GMEB1: variants seen among roughly 807,000 people sequenced by gnomAD.
The protein encoded by GMEB1 is glucocorticoid modulatory element-binding protein 1.
GMEB1 carries 6 observed loss-of-function variants against 52.4 expected under a neutral mutation model. The observed-to-expected ratio is 0.11, with a 90% confidence interval of 0.06 to 0.23. GMEB1 has a LOEUF of 0.23. Ranked by LOEUF, GMEB1 falls within the 10% of genes least tolerant of loss-of-function variation. GMEB1 has a pLI of 1.00. For synonymous variants in GMEB1, 255 were observed against 244.9 expected (o/e 1.04, Z -0.38); for missense variants, 486 against 685.6 (o/e 0.71, Z 3.25).
At chr1:28,669,230 G>A (rs957144091) in intron 1 of GMEB1, among the ~76,000 whole-genome samples, 1 of 151,786 alleles carries the variant, frequency 6.6e-6, no homozygotes, top group Non-Finnish European at 1.5e-5. Flanking sequence ...GGGCCGGAGT[G>A]ACTCCGGACT....
intron 2 of GMEB1, among the ~76,000 whole-genome samples, chr1:28,684,750 G>C (rs545897880): frequency 2.0e-5 from 3 of 152,054 alleles, no homozygotes; most frequent in Admixed American, 6.6e-5. Context: ...GGGGTGAGGG[G>C]GTGATGAGAG....
At chr1:28,701,772 C>T (rs1292225631) in intron 6 of GMEB1, among the ~76,000 whole-genome samples, 4 of 151,960 alleles carry the variant, frequency 2.6e-5, no homozygotes, top group Non-Finnish European at 4.4e-5. Context: ...GTTGCCCAGG[C>T]TGGCCTCAGA....
intron 5 of GMEB1, among the ~76,000 whole-genome samples, chr1:28,693,915 T>C (rs957406529): frequency 5.9e-5 from 9 of 152,108 alleles, no homozygotes; most frequent in Admixed American, 2.6e-4. Context: ...TATTTATTAA[T>C]GTAAAAATTA....
chr1:28,704,472 TAA>T, intron 8 of GMEB1, 143 bp downstream of exon 8: 1 of 575,982 alleles, frequency 1.7e-6, no homozygotes, highest in Non-Finnish European at 2.8e-6. Context: ...TCATATAAGT[TAA>T]GTCACTTGTC....
intron 1 of GMEB1, among the ~76,000 whole-genome samples, chr1:28,671,473 G>A (rs1570371064): frequency 6.6e-6 from 1 of 152,260 alleles, no homozygotes; most frequent in Non-Finnish European, 1.5e-5. Context: ...CCAGCACTGT[G>A]GGAGGCCGAG....
intron 1 of GMEB1, among the ~76,000 whole-genome samples, chr1:28,677,077 A>C (rs1669183598): frequency 6.6e-6 from 1 of 152,150 alleles, no homozygotes; most frequent in African/African-American, 2.4e-5. Flanking sequence ...AATTGCCATC[A>C]GGCTATGTGT....
chr1:28,695,221 C>T (rs1670145101), intron 5 of GMEB1, among the ~76,000 whole-genome samples: 1 of 151,948 alleles, frequency 6.6e-6, no homozygotes, highest in Non-Finnish European at 1.5e-5. Flanking sequence ...CCCACCTCAC[C>T]TCCCAAAGTG....
intron 1 of GMEB1, among the ~76,000 whole-genome samples, chr1:28,679,946 TA>T (rs1440214256): frequency 6.6e-6 from 1 of 152,086 alleles, no homozygotes; most frequent in Non-Finnish European, 1.5e-5. Flanking sequence ...GCTGGGATTA[TA>T]GGCAAGCGCC....
chr1:28,683,389 G>A (rs1201544614), intron 1 of GMEB1, among the ~76,000 whole-genome samples, 194 bp from the exon 2 acceptor site: 2 of 151,964 alleles, frequency 1.3e-5, no homozygotes, highest in Admixed American at 1.3e-4. Context: ...CCACGTACCC[G>A]GTTAATTTTG....
Position 28,717,966 on chromosome 1 carries a change from G to A in GMEB1, c.*3193G>A, listed in dbSNP as rs1013423596. 3.3e-5 allele frequency: 5 copies of A among 152,146 alleles called. No individual in the cohort carries two copies. Among genetic ancestry groups the A allele is most frequent in the Admixed American group, 6.6e-5 (1 of 15,258 alleles). The allele number at this position is 152,146 out of a possible 1,614,324, so 9.4% of individuals were successfully genotyped here. On this transcript the variant is annotated 3_prime_UTR_variant, in exon 10 of 10. Transcript: ENST00000373816. ...TGTTTACTAGATGAATTTTCCAGCT[G>A]GTGAAATACATGAGCTTTGTTGTTT... is the stretch of plus-strand genomic sequence containing the variant.
At chr1:28,691,473 C>A in intron 3 of GMEB1, 112 bp from the exon 4 acceptor site, 3 of 606,428 alleles carry the variant, frequency 4.9e-6, no homozygotes, top group Non-Finnish European at 7.5e-6. Flanking sequence ...CTAAATGATA[C>A]CAGCAAGAGT....
At position 28,691,608 on chromosome 1, in the gene GMEB1, G is replaced by A; in HGVS notation, c.235G>A (p.Glu79Lys). ...GIDTGTIEAN[E>K]DMEIAYPITC... is the part of the protein sequence containing the mutation. ...AGATACAGGCACTATAGAAGCAAATGAGGATATGGAAATTGCTTACCCCAT... is the reference window on the plus strand; with the variant it reads ...AGATACAGGCACTATAGAAGCAAATAAGGATATGGAAATTGCTTACCCCAT... Residue 79 changes from glutamate to lysine, a missense_variant, in exon 4 of 10, where the codon GAG (glutamate) becomes AAG (lysine). By Grantham distance (56) the Glu-to-Lys change is moderately conservative. This residue lies in a region of GMEB1 where 88 missense variants were observed against 96.5 expected (regional missense o/e 0.91). Coordinates refer to ENST00000373816, the MANE Select transcript of GMEB1 (RefSeq NM_001319674.2). 6.4e-7 allele frequency: 1 copy of A among 1,563,664 alleles called. No homozygotes were observed. The highest frequency in any genetic ancestry group is 8.7e-7 in the Non-Finnish European group (1 of 1,146,050).
intron 1 of GMEB1, among the ~76,000 whole-genome samples, chr1:28,679,447 G>A (rs373399909): frequency 2.6e-5 from 4 of 151,988 alleles, no homozygotes; most frequent in African/African-American, 9.7e-5. Flanking sequence ...CAAAGTATTG[G>A]GATTACAGGT....
chr1:28,691,535 C>G, intron 3 of GMEB1, 50 bp from the exon 4 acceptor site: 1 of 1,378,120 alleles, frequency 7.3e-7, no homozygotes, highest in Non-Finnish European at 9.8e-7. Context: ...TGAATTTCAG[C>G]TTTGGGGAAG....
intron 7 of GMEB1, among the ~76,000 whole-genome samples, chr1:28,702,790 G>T (rs1274899432): frequency 6.6e-6 from 1 of 152,116 alleles, no homozygotes; most frequent in Non-Finnish European, 1.5e-5. Flanking sequence ...AGTGGCTGAC[G>T]TCTGTAATTC....
intron 1 of GMEB1, among the ~76,000 whole-genome samples, chr1:28,679,419 C>A (rs1669297776): frequency 6.6e-6 from 1 of 152,048 alleles, no homozygotes; most frequent in South Asian, 2.1e-4. Flanking sequence ...CTCAAGTGAT[C>A]CACCGGTCTT....
chr1:28,677,486 C>T (rs565698115), intron 1 of GMEB1, among the ~76,000 whole-genome samples: 41 of 152,262 alleles, frequency 2.7e-4, no homozygotes, highest in Non-Finnish European at 4.6e-4. Context: ...CGTGAGCCAC[C>T]GTGCCTGGCC....
At chr1:28,714,024 C>G in intron 9 of GMEB1, 49 bp from the exon 10 acceptor site, 4 of 1,398,166 alleles carry the variant, frequency 2.9e-6, no homozygotes, top group Non-Finnish European at 3.0e-6. Context: ...GTTTAATGCT[C>G]CCAAGATTTT....
rs1481717327 is a variant in GMEB1 at position 28,717,641 on chromosome 1, G to T, written c.*2868G>T. On this transcript the variant is annotated 3_prime_UTR_variant, in exon 10 of 10. Coordinates refer to ENST00000373816, the MANE Select transcript of GMEB1 (RefSeq NM_001319674.2). ...ATATTTGGCCCTTAATATATCTTTA[G>T]TGAGGGAAGTAGCTTTTATTTCCTG... 6.6e-6 allele frequency: 1 copy of T among 152,200 alleles called. No individual in the cohort carries two copies. Among genetic ancestry groups the T allele is most frequent in the Non-Finnish European group, 1.5e-5 (1 of 68,034 alleles). The allele number at this position is 152,200 out of a possible 1,614,324, so 9.4% of individuals were successfully genotyped here.
Sources: allele counts gnomAD v4.1 joint callset (sites outside exome capture counted in the v4.1 genomes callset), GRCh38; gene constraint gnomAD v4.1.1; regional missense constraint gnomAD v4.1.1; transcripts MANE v1.5; gene names NCBI Gene and HGNC (gene_info 2026-07-23, HGNC 2026-07-21).